Variants in PDE7B observed in about 807,000 individuals in gnomAD.
The protein encoded by PDE7B is 3',5'-cyclic-AMP phosphodiesterase 7B.
A neutral mutation model predicts 56.2 loss-of-function variants in PDE7B; 29 were observed. That is an observed-to-expected ratio of 0.52 (90% confidence interval 0.38 to 0.70). The LOEUF is 0.70. Among genes scored for constraint, PDE7B ranks in the 30% least tolerant of loss-of-function variants. PDE7B has a pLI of 0.00. For missense variants in PDE7B, 490 were observed against 565.0 expected, an observed-to-expected ratio of 0.87 and a Z score of 1.35; for synonymous variants, 197 against 196.9, an observed-to-expected ratio of 1.00 and a Z score of 0.00.
At chr6:136,009,180 T>C in intron 2 of PDE7B, among the ~76,000 whole-genome samples, 1 of 152,088 alleles carries the variant, frequency 6.6e-6, no homozygotes, top group African/African-American at 2.4e-5. Flanking sequence ...CTCTGTTCTG[T>C]TCCATTGGTC....
intron 2 of PDE7B, among the ~76,000 whole-genome samples, chr6:136,063,203 A>G (rs1776872607): frequency 1.3e-5 from 2 of 152,216 alleles, no homozygotes; most frequent in Non-Finnish European, 1.5e-5. Context: ...TATTATCGCA[A>G]GGCTTGCAAA....
intron 2 of PDE7B, among the ~76,000 whole-genome samples, chr6:135,961,607 G>A (rs1774904275): frequency 1.3e-5 from 2 of 152,090 alleles, no homozygotes; most frequent in South Asian, 4.1e-4. Flanking sequence ...GCATTAAAGA[G>A]TTGATGAAGT....
chr6:136,036,913 C>T (rs1776333210), intron 2 of PDE7B, among the ~76,000 whole-genome samples: 1 of 152,298 alleles, frequency 6.6e-6, no homozygotes, highest in East Asian at 1.9e-4. Context: ...GTGCCAAATA[C>T]AAAACTACCC....
At chr6:136,189,958 G>T (rs552203848) in intron 12 of PDE7B, among the ~76,000 whole-genome samples, 231 of 152,324 alleles carry the variant, frequency 1.5e-3, no homozygotes, top group African/African-American at 5.4e-3. Flanking sequence ...TACAGATATA[G>T]TGCCAGGGTC....
intron 2 of PDE7B, among the ~76,000 whole-genome samples, chr6:136,017,979 C>A (rs992273578): frequency 2.0e-5 from 3 of 152,178 alleles, no homozygotes; most frequent in Admixed American, 2.0e-4. Flanking sequence ...CATTTACTTA[C>A]AACATCAGTT....
intron 3 of PDE7B, among the ~76,000 whole-genome samples, chr6:136,118,886 C>A (rs1777881801): frequency 6.6e-6 from 1 of 152,078 alleles, no homozygotes; most frequent in Non-Finnish European, 1.5e-5. Context: ...GATTAAACAT[C>A]TAAAAAATCA....
intron 3 of PDE7B, chr6:136,115,046 G>C (rs779566769): frequency 6.6e-6 from 1 of 152,172 alleles, no homozygotes; most frequent in South Asian, 2.1e-4. Flanking sequence ...CCTCGACGGA[G>C]CACCTCCTAT....
At chr6:135,934,739 A>ATATATATATATATATTTTTTAAAT (rs1269284339) in intron 1 of PDE7B, among the ~76,000 whole-genome samples, 6 of 105,674 alleles carry the variant, frequency 5.7e-5, no homozygotes, top group African/African-American at 2.2e-4. Flanking sequence ...CAAAAAAAAA[A>ATATATATATATATATTTTTTAAAT]ATATATATAT....
At chr6:135,889,951 C>T (rs1272062325) in intron 1 of PDE7B, among the ~76,000 whole-genome samples, 1 of 150,630 alleles carries the variant, frequency 6.6e-6, no homozygotes, top group Non-Finnish European at 1.5e-5. Context: ...CGGGGTTTCA[C>T]CATGTTGATC....
intron 2 of PDE7B, among the ~76,000 whole-genome samples, chr6:135,990,392 G>T (rs553071340): frequency 6.6e-6 from 1 of 152,100 alleles, no homozygotes; most frequent in African/African-American, 2.4e-5. Flanking sequence ...TACTATGACC[G>T]GCCAGCAATC....
At chr6:135,875,995 G>A (rs1369055474) in intron 1 of PDE7B, among the ~76,000 whole-genome samples, 2 of 152,074 alleles carry the variant, frequency 1.3e-5, no homozygotes, top group African/African-American at 4.8e-5. Flanking sequence ...CAAGAGATTT[G>A]GGGAGGAAAG....
At chr6:135,948,593 AT>A (rs1296690935) in intron 2 of PDE7B, among the ~76,000 whole-genome samples, 1 of 151,740 alleles carries the variant, frequency 6.6e-6, no homozygotes, top group Non-Finnish European at 1.5e-5. Context: ...CAGACATCAT[AT>A]TTTTCTAGCC....
chr6:135,924,626 T>C (rs1562441443), intron 1 of PDE7B, among the ~76,000 whole-genome samples: 1 of 140,870 alleles, frequency 7.1e-6, no homozygotes, highest in Admixed American at 7.0e-5. Context: ...TCTTTTTTTT[T>C]TTTTTTTTTT....
chr6:136,108,841 G>A (rs373883474), intron 3 of PDE7B, 27 bp downstream of exon 3: 69 of 1,337,574 alleles, frequency 5.2e-5, no homozygotes, highest in Non-Finnish European at 7.5e-6. Flanking sequence ...ACCTGGAAAG[G>A]AACAAACGTT....
At chr6:136,190,005 G>T (rs139764889) in intron 12 of PDE7B, among the ~76,000 whole-genome samples, 3 of 152,026 alleles carry the variant, frequency 2.0e-5, no homozygotes, top group Non-Finnish European at 4.4e-5. Flanking sequence ...TTTCGAGTTG[G>T]ATTTTAAAAT....
chr6:136,041,458 A>G (rs1776411425), intron 2 of PDE7B, among the ~76,000 whole-genome samples: 1 of 152,244 alleles, frequency 6.6e-6, no homozygotes, highest in Non-Finnish European at 1.5e-5. Flanking sequence ...AGAGAAGGTG[A>G]TACATAGAAA....
At chr6:136,044,336 G>A (rs1776463453) in intron 2 of PDE7B, 1 of 151,994 alleles carries the variant, frequency 6.6e-6, no homozygotes, top group East Asian at 1.9e-4. Context: ...TCTGTTGCAT[G>A]TCAGCCACTC....
intron 2 of PDE7B, among the ~76,000 whole-genome samples, chr6:136,026,404 A>T (rs1346956906): frequency 1.3e-5 from 2 of 152,220 alleles, no homozygotes; most frequent in Non-Finnish European, 2.9e-5. Context: ...GGCAGTGAAG[A>T]TGTGACTTTG....
At position 136,182,473 on chromosome 6, in the gene PDE7B, G is replaced by C. The variant is rs186582845; in HGVS notation, c.1045+1150G>C. 5.4e-3 allele frequency among the ~76,000 whole-genome samples: 828 copies of C among 152,276 alleles called. 6 individuals carry two copies. Among genetic ancestry groups the C allele is most frequent in the South Asian group, 0.014 (66 of 4,824 alleles). On this transcript the variant is annotated intron_variant, in intron 11 of 12. Coordinates refer to ENST00000308191, the MANE Select transcript of PDE7B (RefSeq NM_018945.4). The stretch of plus-strand genomic sequence containing the variant: ...TTTACTGTTTGATATGTTGAATATT[G>C]AAATAGCATAGTGAGAGAGGGGCTA...
Sources: gnomAD v4.1 joint callset for allele counts (sites outside exome capture counted in the v4.1 genomes callset) on GRCh38, gnomAD v4.1.1 for gene constraint, MANE v1.5 for transcripts, NCBI Gene and HGNC (gene_info 2026-07-23, HGNC 2026-07-21) for gene names.